CHODL: variants seen among roughly 807,000 people sequenced by gnomAD.
CHODL encodes the protein chondrolectin, also known as transmembrane protein MT75.
A neutral mutation model predicts 34.5 loss-of-function variants in CHODL; 29 were observed. That is an observed-to-expected ratio of 0.84 (90% CI 0.63 to 1.15). The LOEUF (loss-of-function observed/expected upper bound fraction) is 1.15, where lower values mean the gene tolerates loss of function less well. Among genes scored for constraint, CHODL ranks in the 50% most tolerant of loss-of-function variants. CHODL has a pLI of 0.00. For synonymous variants in CHODL, 125 were observed against 116.1 expected (o/e 1.08, Z -0.49); for missense variants, 332 against 332.5 (o/e 1.00, Z 0.01).
chr21:18,122,173 A>G (rs1050818385), intron 2 of CHODL, among the ~76,000 whole-genome samples: 8 of 150,692 alleles, frequency 5.3e-5, no homozygotes, highest in African/African-American at 1.7e-4. Flanking sequence ...ATTCCAGTTG[A>G]AATGATTATG....
In CHODL at chr21:18,039,724, C is replaced by T. The variant is rs1040790334; in HGVS notation, c.-45+11753C>T. Among the ~76,000 whole-genome samples the T allele has an allele frequency of 1.5e-3, 227 of 151,692 alleles. 1 individual carries two copies. Among genetic ancestry groups the T allele is most frequent in the African/African-American group, 4.2e-3 (175 of 41,474 alleles). On this transcript the variant is annotated intron_variant, in intron 2 of 6. Transcript: ENST00000400127. ...TATTACTTATTGGAAAAACCTAACC[C>T]CTAATCCTTATGTAACTCATCTTGA...
chr21:18,232,909 G>A (rs1386382042), intron 2 of CHODL, among the ~76,000 whole-genome samples: 1 of 137,110 alleles, frequency 7.3e-6, no homozygotes, highest in African/African-American at 2.8e-5. Flanking sequence ...AATTATAATG[G>A]TCCATATAAT....
At chr21:18,253,190 T>C (rs2074278324) in intron 1 of CHODL, among the ~76,000 whole-genome samples, 1 of 152,264 alleles carries the variant, frequency 6.6e-6, no homozygotes, top group East Asian at 1.9e-4. Flanking sequence ...TATTTTTTAA[T>C]ATATCAGGGA....
intron 2 of CHODL, among the ~76,000 whole-genome samples, chr21:18,218,165 G>A (rs1409490752): frequency 6.6e-6 from 1 of 152,220 alleles, no homozygotes; most frequent in African/African-American, 2.4e-5. Flanking sequence ...GACTCTGTAT[G>A]GGGGCTGTGA....
At chr21:18,129,341 T>G (rs2072623894) in intron 2 of CHODL, among the ~76,000 whole-genome samples, 1 of 152,178 alleles carries the variant, frequency 6.6e-6, no homozygotes, top group Admixed American at 6.6e-5. Context: ...ATTCTAATAC[T>G]GAATTGATAT....
intron 2 of CHODL, among the ~76,000 whole-genome samples, chr21:18,050,734 G>A (rs1226067686): frequency 6.6e-6 from 1 of 151,868 alleles, no homozygotes; most frequent in Non-Finnish European, 1.5e-5. Context: ...TGAGATCCAA[G>A]AGTGTAGGTT....
intron 2 of CHODL, among the ~76,000 whole-genome samples, chr21:18,141,189 C>A (rs1482899004): frequency 6.6e-6 from 1 of 151,894 alleles, no homozygotes; most frequent in Admixed American, 6.6e-5. Context: ...ATCATGGGGA[C>A]CCTTGAGCTT....
At chr21:18,033,447 A>T (rs1005767807) in intron 2 of CHODL, among the ~76,000 whole-genome samples, 2 of 152,084 alleles carry the variant, frequency 1.3e-5, no homozygotes, top group African/African-American at 4.8e-5. Context: ...GTGGTATCAG[A>T]AACTGATTCC....
chr21:18,253,878 G>A (rs560184371), intron 1 of CHODL, among the ~76,000 whole-genome samples: 12 of 152,076 alleles, frequency 7.9e-5, no homozygotes, highest in Non-Finnish European at 4.4e-5. Flanking sequence ...TCACGGTCAC[G>A]AAACAGAGGG....
At chr21:17,918,134 G>A (rs2063155699) in intron 1 of CHODL, among the ~76,000 whole-genome samples, 1 of 152,080 alleles carries the variant, frequency 6.6e-6, no homozygotes, top group Non-Finnish European at 1.5e-5. Flanking sequence ...GATACTGGTG[G>A]GGTATGGCAA....
intron 1 of CHODL, among the ~76,000 whole-genome samples, chr21:17,995,913 A>G (rs555004499): frequency 6.6e-6 from 1 of 152,312 alleles, no homozygotes; most frequent in African/African-American, 2.4e-5. Context: ...AGTATCTCCT[A>G]CATCTGTATT....
intron 2 of CHODL, among the ~76,000 whole-genome samples, chr21:18,193,760 A>G (rs2073547303): frequency 6.6e-6 from 1 of 151,486 alleles, no homozygotes; most frequent in African/African-American, 2.4e-5. Flanking sequence ...ATAAACTTAA[A>G]AAAAAGTCCT....
intron 1 of CHODL, among the ~76,000 whole-genome samples, chr21:17,917,608 GC>G (rs11357596): frequency 0.08 from 12,201 of 151,818 alleles, 1,273 homozygotes; most frequent in African/African-American, 0.24. Context: ...GTAGAGGGAT[GC>G]AGACAACCCA....
intron 1 of CHODL, among the ~76,000 whole-genome samples, chr21:17,947,842 T>C (rs771428570): frequency 1.4e-4 from 22 of 152,102 alleles, no homozygotes; most frequent in Non-Finnish European, 3.2e-4. Context: ...ATAAAAACCG[T>C]GCCTCCACTC....
intron 2 of CHODL, among the ~76,000 whole-genome samples, chr21:18,217,564 T>A (rs943183549): frequency 6.6e-6 from 1 of 152,116 alleles, no homozygotes; most frequent in Non-Finnish European, 1.5e-5. Context: ...CGATTCAAGA[T>A]GAGATTTGGG....
intron 1 of CHODL, among the ~76,000 whole-genome samples, chr21:18,254,026 C>G (rs1266827286): frequency 6.6e-6 from 1 of 152,114 alleles, no homozygotes; most frequent in Admixed American, 6.6e-5. Context: ...CTGTGCCTTT[C>G]TCCCTCTGAG....
intron 2 of CHODL, among the ~76,000 whole-genome samples, chr21:18,164,836 A>T (rs1188130202): frequency 6.6e-6 from 1 of 152,198 alleles, no homozygotes; most frequent in African/African-American, 2.4e-5. Context: ...AGTTCTTCTC[A>T]CTTGGAATGC....
At chr21:17,971,104 G>A (rs1237241818) in intron 1 of CHODL, among the ~76,000 whole-genome samples, 1 of 152,160 alleles carries the variant, frequency 6.6e-6, no homozygotes, top group Non-Finnish European at 1.5e-5. Flanking sequence ...TGATGTGTAT[G>A]TGTCACATTT....
At chr21:18,194,329 CTG>C (rs1016064664) in intron 2 of CHODL, among the ~76,000 whole-genome samples, 4 of 152,316 alleles carry the variant, frequency 2.6e-5, no homozygotes, top group South Asian at 2.1e-4. Context: ...CTGCCCACAT[CTG>C]TGGCTTCATC....
Sources: gnomAD v4.1 joint callset for allele counts (sites outside exome capture counted in the v4.1 genomes callset) on GRCh38, gnomAD v4.1.1 for gene constraint, MANE v1.5 for transcripts, NCBI Gene and HGNC (gene_info 2026-07-23, HGNC 2026-07-21) for gene names.